The following RTN3 variants were observed in gnomAD, a reference collection of about 807,000 sequenced individuals.
RTN3 encodes the protein reticulon-3.
In RTN3, 49 loss-of-function variants were observed where a neutral mutation model predicts 77.8. The ratio of observed to expected loss-of-function variants is 0.63; its 90% CI spans 0.50 to 0.80. RTN3 has a LOEUF of 0.80. Among genes scored for constraint, RTN3 ranks in the 30% least tolerant of loss-of-function variants. RTN3 has a pLI of 0.00. For missense variants in RTN3, 1,236 were observed against 1,211.9 expected, an observed-to-expected ratio of 1.02 and a Z score of -0.29; for synonymous variants, 464 against 446.9, an observed-to-expected ratio of 1.04 and a Z score of -0.48.
intron 7 of RTN3, among the ~76,000 whole-genome samples, chr11:63,755,895 C>T (rs1352764190): frequency 6.6e-6 from 1 of 151,404 alleles, no homozygotes; most frequent in East Asian, 1.9e-4. Context: ...GGAGGTGGAG[C>T]TTGCAGTGAG....
intron 3 of RTN3, among the ~76,000 whole-genome samples, chr11:63,733,486 A>T (rs1391230696): frequency 6.6e-6 from 1 of 150,632 alleles, no homozygotes; most frequent in Non-Finnish European, 1.5e-5. Flanking sequence ...CTGTCTCAGA[A>T]TAAAAAAAAA....
At position 63,753,106 on chromosome 11, in the gene RTN3, C is replaced by A; in HGVS notation, c.2915C>A (p.Ala972Asp). The part of the protein sequence containing the change: ...VFMWLMTYVG[A>D]VFNGITLLIL... ...ATGTGGCTGATGACCTATGTTGGTG[C>A]TGTTTTTAACGGAATCACCCTTCTA... is the stretch of plus-strand genomic sequence containing the variant. The change falls in exon 6 of 9, where the codon GCT (alanine) becomes GAT (aspartate). Residue 972 changes from alanine to aspartate, a missense_variant. By Grantham distance (126) the Ala-to-Asp change is moderately radical (BLOSUM62 -2). Transcript: ENST00000377819. 6.2e-7 allele frequency: 1 copy of A among 1,614,122 alleles called. No homozygotes were observed. The highest frequency in any genetic ancestry group is 8.5e-7 in the Non-Finnish European group (1 of 1,179,998).
intron 8 of RTN3, among the ~76,000 whole-genome samples, chr11:63,756,918 C>T (rs2014406501): frequency 6.6e-6 from 1 of 152,036 alleles, no homozygotes; most frequent in Admixed American, 6.6e-5. Flanking sequence ...TGGTGGCATG[C>T]AACTTTAGTC....
At chr11:63,721,787 T>A (rs1313803486) in intron 3 of RTN3, among the ~76,000 whole-genome samples, 1 of 152,018 alleles carries the variant, frequency 6.6e-6, no homozygotes, top group Admixed American at 6.6e-5. Context: ...ATCTTAGCAA[T>A]CAAAGATAAA....
intron 3 of RTN3, among the ~76,000 whole-genome samples, chr11:63,739,519 C>T (rs186170909): frequency 2.6e-5 from 4 of 152,332 alleles, no homozygotes; most frequent in African/African-American, 4.8e-5. Context: ...CAAGATAACA[C>T]ATAGCACACC....
At chr11:63,749,426 T>C (rs2013983482) in intron 3 of RTN3, among the ~76,000 whole-genome samples, 1 of 152,184 alleles carries the variant, frequency 6.6e-6, no homozygotes, top group African/African-American at 2.4e-5. Context: ...ATTTACCACT[T>C]TCTTTGCCCC....
chr11:63,735,273 G>A (rs2013012070), intron 3 of RTN3, among the ~76,000 whole-genome samples: 2 of 152,016 alleles, frequency 1.3e-5, no homozygotes. Context: ...TACAAGGTGT[G>A]AGCCACAATG....
chr11:63,703,368 GTGT>G (rs1942340479), intron 1 of RTN3, among the ~76,000 whole-genome samples: 1 of 151,784 alleles, frequency 6.6e-6, no homozygotes, highest in Admixed American at 6.6e-5. Flanking sequence ...ATGGCAGCAA[GTGT>G]TTCATAGTTT....
intron 3 of RTN3, among the ~76,000 whole-genome samples, chr11:63,747,250 G>A (rs2013851723): frequency 6.6e-6 from 1 of 152,138 alleles, no homozygotes; most frequent in African/African-American, 2.4e-5. Context: ...TGATGACGTC[G>A]GCCCTCTAAG....
chr11:63,728,192 G>T (rs975070760), intron 3 of RTN3, among the ~76,000 whole-genome samples: 4 of 152,202 alleles, frequency 2.6e-5, no homozygotes, highest in Admixed American at 2.6e-4. Context: ...TTCTTTTACA[G>T]TGATGCGTGA....
chr11:63,733,902 A>G (rs1035487786), intron 3 of RTN3, among the ~76,000 whole-genome samples: 1 of 151,988 alleles, frequency 6.6e-6, no homozygotes. Flanking sequence ...AAAAGAAAAA[A>G]AAACACCACA....
chr11:63,693,132 A>G (rs1177491629), intron 1 of RTN3, among the ~76,000 whole-genome samples: 1 of 152,208 alleles, frequency 6.6e-6, no homozygotes, highest in Non-Finnish European at 1.5e-5. Flanking sequence ...GAGGTGTTCA[A>G]TAAATATTTA....
rs2014567707 is a variant in RTN3, at chr11:63,759,667, C to CT, written c.*1470dup. 1 of 151,826 alleles carries CT rather than the reference C, an allele frequency of 6.6e-6. No homozygotes were observed. The highest frequency in any genetic ancestry group is 6.6e-5 in the Admixed American group (1 of 15,186). 9.4% of individuals were successfully genotyped at this position (151,826 alleles called of 1,614,324 possible). On this transcript the variant is annotated 3_prime_UTR_variant, in exon 9 of 9. Transcript: ENST00000377819. Reference sequence around the variant, plus strand: ...TGGAAGTGCCACATCCAGTTCTTTTCTTTTGTTGCTGCTGTGTTTAGATAA... The same window carrying CT: ...TGGAAGTGCCACATCCAGTTCTTTTCTTTTTGTTGCTGCTGTGTTTAGATAA...
In RTN3 at chr11:63,681,649, T is replaced by C. The variant is rs750626740; in HGVS notation, c.13T>C (p.Ser5Pro). ...CGCTCGCGTAGCCATGGCGGAGCCGTCGGCGGCCACTCAGTCCCATTCCAT... is the reference window on the plus strand; with the variant it reads ...CGCTCGCGTAGCCATGGCGGAGCCGCCGGCGGCCACTCAGTCCCATTCCAT... MAEP[S>P]AATQSHSISS... is the part of the protein sequence containing the mutation. Residue 5 changes from serine to proline, a missense_variant, in exon 1 of 9, where the codon TCG (serine) becomes CCG (proline). By Grantham distance (74) the Ser-to-Pro change is moderately conservative. This residue lies in a region of RTN3 where 1,056 missense variants were observed against 990.4 expected (regional missense o/e 1.07). Transcript: ENST00000377819. 2.5e-6 allele frequency: 4 copies of C among 1,593,844 alleles called. No individual in the cohort carries two copies. The highest frequency in any genetic ancestry group is 3.4e-6 in the Non-Finnish European group (4 of 1,169,052).
chr11:63,733,764 G>A (rs1469347116), intron 3 of RTN3, among the ~76,000 whole-genome samples: 7 of 151,538 alleles, frequency 4.6e-5, no homozygotes, highest in African/African-American at 1.7e-4. Flanking sequence ...GGTGGTGTGT[G>A]TCTGTAGTCC....
chr11:63,718,546 C>T (rs545386805), intron 2 of RTN3, among the ~76,000 whole-genome samples, 156 bp from the exon 3 acceptor site: 1 of 151,926 alleles, frequency 6.6e-6, no homozygotes, highest in Non-Finnish European at 1.5e-5. Flanking sequence ...ATAACTTGAT[C>T]GTTTTGTTAC....
At chr11:63,712,518 CATT>C (rs1362643317) in intron 2 of RTN3, among the ~76,000 whole-genome samples, 1 of 135,498 alleles carries the variant, frequency 7.4e-6, no homozygotes, top group Non-Finnish European at 1.5e-5. Context: ...TGGAGTCTCA[CATT>C]GTTGCCTGGG....
chr11:63,703,228 G>A (rs1318603962), intron 1 of RTN3, among the ~76,000 whole-genome samples: 1 of 152,174 alleles, frequency 6.6e-6, no homozygotes, highest in Non-Finnish European at 1.5e-5. Context: ...GATGTGTGTA[G>A]GTTATATGCA....
intron 2 of RTN3, among the ~76,000 whole-genome samples, chr11:63,716,886 G>A (rs1370097857): frequency 4.7e-5 from 7 of 149,068 alleles, no homozygotes; most frequent in South Asian, 2.1e-4. Flanking sequence ...GGAGAATGGC[G>A]CGAACCCGGG....
Sources: gnomAD v4.1 joint callset for allele counts (sites outside exome capture counted in the v4.1 genomes callset) on GRCh38, gnomAD v4.1.1 for gene constraint, gnomAD v4.1.1 regional missense constraint, MANE v1.5 for transcripts, NCBI Gene and HGNC (gene_info 2026-07-23, HGNC 2026-07-21) for gene names.